The following ALK variants were observed in gnomAD, a reference collection of about 807,000 sequenced individuals.
The protein encoded by ALK is ALK receptor tyrosine kinase.
A neutral mutation model predicts 163.1 loss-of-function variants in ALK; 74 were observed. The ratio of observed to expected loss-of-function variants is 0.45; its 90% confidence interval spans 0.38 to 0.55. The LOEUF (loss-of-function observed/expected upper bound fraction) is 0.55. Among genes scored for constraint, ALK ranks in the 20% least tolerant of loss-of-function variants. The pLI, the probability that ALK is intolerant of heterozygous loss-of-function variation, is 0.00. For missense variants in ALK, 2,063 were observed against 2,105.3 expected (o/e 0.98, Z 0.39); for synonymous variants, 960 against 843.2 (o/e 1.14, Z -2.40).
intron 3 of ALK, among the ~76,000 whole-genome samples, chr2:29,620,903 T>C (rs1676016423): frequency 6.6e-6 from 1 of 152,208 alleles, no homozygotes. Context: ...AAGAGCAAAC[T>C]GACAATTGTG....
intron 4 of ALK, among the ~76,000 whole-genome samples, chr2:29,438,044 T>C (rs7603775): frequency 0.83 from 126,170 of 151,758 alleles, 52,868 homozygotes; most frequent in Non-Finnish European, 0.89. Context: ...TCTCCCAGAT[T>C]CCACCTGACC....
At chr2:29,239,405 G>C (rs74535085) in intron 13 of ALK, among the ~76,000 whole-genome samples, 100 of 152,210 alleles carry the variant, frequency 6.6e-4, no homozygotes, top group Admixed American at 1.5e-3. Flanking sequence ...GGTGAGGGAG[G>C]GGGGGAGCCT....
chr2:29,623,892 A>G (rs1218444260), intron 3 of ALK, among the ~76,000 whole-genome samples: 2 of 152,238 alleles, frequency 1.3e-5, no homozygotes, highest in African/African-American at 4.8e-5. Flanking sequence ...GTCTATTTGT[A>G]AAGCATGTTT....
intron 4 of ALK, among the ~76,000 whole-genome samples, chr2:29,390,031 G>C (rs557531122): frequency 1.3e-5 from 2 of 152,162 alleles, no homozygotes; most frequent in Non-Finnish European, 2.9e-5. Context: ...TGACCAACAA[G>C]AGTTAAAACT....
At chr2:29,882,691 C>G (rs143078732) in intron 1 of ALK, among the ~76,000 whole-genome samples, 3 of 152,110 alleles carry the variant, frequency 2.0e-5, no homozygotes, top group South Asian at 4.1e-4. Context: ...GCAACAACAA[C>G]GACAACGAAC....
intron 3 of ALK, among the ~76,000 whole-genome samples, chr2:29,631,544 G>C (rs913282673): frequency 1.9e-4 from 29 of 152,222 alleles, no homozygotes; most frequent in African/African-American, 6.8e-4. Flanking sequence ...GGAAATCCCA[G>C]CTCTGCTACC....
intron 1 of ALK, among the ~76,000 whole-genome samples, chr2:29,748,813 A>G (rs2148329560): frequency 6.6e-6 from 1 of 152,128 alleles, no homozygotes; most frequent in African/African-American, 2.4e-5. Context: ...TGGCACGATC[A>G]AGGCTCACTG....
chr2:29,471,038 T>C (rs910248675), intron 4 of ALK, among the ~76,000 whole-genome samples: 7 of 152,154 alleles, frequency 4.6e-5, no homozygotes, highest in Non-Finnish European at 1.0e-4. Context: ...ATGAACAGCA[T>C]AGTAAAATAA....
chr2:29,380,681 A>G (rs899309447), intron 5 of ALK, among the ~76,000 whole-genome samples: 1 of 151,176 alleles, frequency 6.6e-6, no homozygotes, highest in Non-Finnish European at 1.5e-5. Flanking sequence ...TAATCCGCCC[A>G]CCTCAGCCTC....
chr2:29,909,132 T>C (rs1667629604), intron 1 of ALK, among the ~76,000 whole-genome samples: 1 of 152,202 alleles, frequency 6.6e-6, no homozygotes, highest in South Asian at 2.1e-4. Context: ...TATAGGCTCC[T>C]GGCCATGATA....
chr2:29,221,281 C>T (rs530936340), intron 22 of ALK: 3 of 515,266 alleles, frequency 5.8e-6, no homozygotes, highest in South Asian at 4.7e-5. Context: ...ACAGAGCCAG[C>T]AAAAGGGGAT....
At chr2:29,468,364 A>G (rs1337833228) in intron 4 of ALK, among the ~76,000 whole-genome samples, 1 of 152,192 alleles carries the variant, frequency 6.6e-6, no homozygotes, top group Non-Finnish European at 1.5e-5. Context: ...CTGAGATAAA[A>G]ATTATGAGAA....
intron 3 of ALK, among the ~76,000 whole-genome samples, chr2:29,613,549 G>A (rs1675755732): frequency 6.6e-6 from 1 of 152,146 alleles, no homozygotes; most frequent in East Asian, 1.9e-4. Context: ...TCCTTGTTGC[G>A]GACCTCAGCT....
At chr2:29,632,370 G>A (rs970131650) in intron 3 of ALK, among the ~76,000 whole-genome samples, 1 of 152,102 alleles carries the variant, frequency 6.6e-6, no homozygotes, top group African/African-American at 2.4e-5. Flanking sequence ...TGGAGATAGG[G>A]ATCTTAAGAG....
At chr2:29,866,506 C>T (rs72792302) in intron 1 of ALK, among the ~76,000 whole-genome samples, 9,225 of 152,130 alleles carry the variant, frequency 0.061, 395 homozygotes, top group East Asian at 0.14. Context: ...CGGACCCTGT[C>T]TAAGAACCCA....
chr2:29,295,562 C>A lies in ALK; in HGVS notation c.1817+1326G>T, dbSNP rs560259572. Among the ~76,000 whole-genome samples, 3 of 152,318 alleles carry A rather than the reference C, an allele frequency of 2.0e-5. No homozygotes were observed. The South Asian group carries it at 6.2e-4, about 32-fold the overall frequency. On this transcript the variant is annotated intron_variant, in intron 9 of 28. Coordinates refer to ENST00000389048, the MANE Select transcript of ALK (RefSeq NM_004304.5). ...CTTGGGCTTTGATCGTTAACCCACA[C>A]ACATCTGAAGGAGTGGGTAGCTAGT...
chr2:29,529,220 C>T (rs1234152701), intron 4 of ALK, among the ~76,000 whole-genome samples: 3 of 152,178 alleles, frequency 2.0e-5, no homozygotes, highest in East Asian at 1.9e-4. Context: ...CATTCCTCAG[C>T]CCACTCCTCT....
intron 3 of ALK, among the ~76,000 whole-genome samples, chr2:29,537,474 C>T (rs562464383): frequency 3.3e-5 from 5 of 152,334 alleles, no homozygotes; most frequent in Admixed American, 2.6e-4. Context: ...TACAGACACA[C>T]AGAATGCAAG....
At chr2:29,364,276 G>A (rs535853698) in intron 5 of ALK, among the ~76,000 whole-genome samples, 2 of 152,150 alleles carry the variant, frequency 1.3e-5, no homozygotes, top group Non-Finnish European at 2.9e-5. Context: ...AGAGGCTTTG[G>A]TTGCTGTTGT....
Sources: allele counts gnomAD v4.1 joint callset (sites outside exome capture counted in the v4.1 genomes callset), GRCh38; gene constraint gnomAD v4.1.1; transcripts MANE v1.5; gene names NCBI Gene and HGNC (gene_info 2026-07-23, HGNC 2026-07-21).